The following CLYBL variants were observed in gnomAD, a reference collection of about 807,000 sequenced individuals.
CLYBL encodes citramalyl-CoA lyase, mitochondrial.
In CLYBL, 31 loss-of-function variants were observed where a neutral mutation model predicts 38.9. That is an observed-to-expected ratio of 0.80 (90% CI 0.60 to 1.08). The LOEUF is 1.08. Among genes scored for constraint, CLYBL ranks in the 50% least tolerant of loss-of-function variants. The pLI is 0.00. For missense variants in CLYBL, 434 were observed against 411.6 expected (o/e 1.05, Z -0.47); for synonymous variants, 171 against 158.6 (o/e 1.08, Z -0.59).
At chr13:99,851,929 G>T (rs2051342312) in intron 2 of CLYBL, among the ~76,000 whole-genome samples, 1 of 152,168 alleles carries the variant, frequency 6.6e-6, no homozygotes, top group Non-Finnish European at 1.5e-5. Flanking sequence ...TAGCCACAAA[G>T]TGGAAACCAG....
intron 7 of CLYBL, among the ~76,000 whole-genome samples, chr13:99,874,085 A>T (rs1426983660): frequency 6.6e-6 from 1 of 152,218 alleles, no homozygotes; most frequent in Admixed American, 6.5e-5. Context: ...ACCGTAGTCC[A>T]GTAATCAGAG....
At chr13:99,844,675 G>C (rs2051158669) in intron 2 of CLYBL, among the ~76,000 whole-genome samples, 1 of 152,206 alleles carries the variant, frequency 6.6e-6, no homozygotes, top group South Asian at 2.1e-4. Context: ...CTGTGTCTCA[G>C]CTTCGGGCCT....
chr13:99,668,400 C>T lies in CLYBL; in HGVS notation c.62+61643C>T, dbSNP rs190393335. 7.8e-4 allele frequency among the ~76,000 whole-genome samples: 118 copies of T among 152,214 alleles called. 2 individuals carry two copies. The highest frequency in any genetic ancestry group is 1.2e-3 in the Non-Finnish European group (85 of 68,002). On this transcript the variant is annotated intron_variant, in intron 1 of 8. Transcript: ENST00000339105. Reference sequence around the variant, plus strand: ...AGGAGTTCGAGACCAGCCTGACCAACATGGTGAAACCCCATCTCTATTAAA... The same window carrying T: ...AGGAGTTCGAGACCAGCCTGACCAATATGGTGAAACCCCATCTCTATTAAA...
rs181009568 is a variant in CLYBL at position 99,889,497 on chromosome 13, G to A, written c.928-1821G>A. On this transcript the variant is annotated intron_variant, in intron 7 of 8. Transcript: ENST00000339105. ...ACAGAGGTGACCAAAATTAGCTCGA[G>A]GCTGAATGAAATTATGGAAAGGACA... 2.0e-3 allele frequency among the ~76,000 whole-genome samples: 312 copies of A among 152,248 alleles called. 1 individual carries two copies. Among genetic ancestry groups the A allele is most frequent in the African/African-American group, 7.3e-3 (304 of 41,544 alleles).
At chr13:99,708,870 G>A (rs926341810) in intron 1 of CLYBL, among the ~76,000 whole-genome samples, 8 of 152,112 alleles carry the variant, frequency 5.3e-5, no homozygotes, top group Non-Finnish European at 8.8e-5. Context: ...TGAGGTGGGC[G>A]GATGATGAGG....
chr13:99,834,662 C>A (rs984001944), intron 2 of CLYBL, among the ~76,000 whole-genome samples: 42 of 152,148 alleles, frequency 2.8e-4, no homozygotes, highest in African/African-American at 9.7e-4. Flanking sequence ...GTGACTGATT[C>A]CCTGCTCCCC....
intron 1 of CLYBL, among the ~76,000 whole-genome samples, chr13:99,731,082 CAAAAAAAAAAAA>C (rs764705741): frequency 8.8e-5 from 5 of 57,016 alleles, no homozygotes; most frequent in African/African-American, 3.8e-4. Flanking sequence ...GACTCTGTTT[CAAAAAAAAAAAA>C]AAAAAAAAAA....
At chr13:99,620,804 GAGAA>G (rs1320485361) in intron 1 of CLYBL, among the ~76,000 whole-genome samples, 4 of 141,604 alleles carry the variant, frequency 2.8e-5, no homozygotes, top group Middle Eastern at 3.4e-3. Context: ...AAGAGAGAGA[GAGAA>G]AGAGAGAGAG....
intron 2 of CLYBL, among the ~76,000 whole-genome samples, chr13:99,819,974 C>T (rs879707004): frequency 1.3e-5 from 2 of 152,200 alleles, no homozygotes; most frequent in African/African-American, 2.4e-5. Context: ...TTAACCATCA[C>T]GGATTTATAC....
chr13:99,854,859 G>C (rs2051420931), intron 2 of CLYBL, among the ~76,000 whole-genome samples: 2 of 152,192 alleles, frequency 1.3e-5, no homozygotes, highest in African/African-American at 4.8e-5. Context: ...TCCTGGCCCA[G>C]ACAGAGTCAC....
intron 2 of CLYBL, among the ~76,000 whole-genome samples, chr13:99,786,126 C>G (rs971067208): frequency 3.3e-5 from 5 of 150,032 alleles, no homozygotes; most frequent in African/African-American, 1.2e-4. Flanking sequence ...GATTATCTTT[C>G]TATTTCTGCC....
At chr13:99,754,999 G>C (rs1434125501) in intron 1 of CLYBL, among the ~76,000 whole-genome samples, 11 of 151,460 alleles carry the variant, frequency 7.3e-5, no homozygotes, top group Non-Finnish European at 1.6e-4. Flanking sequence ...CCAGGTTGAC[G>C]CCATTCTCCT....
intron 1 of CLYBL, among the ~76,000 whole-genome samples, chr13:99,753,237 A>G (rs532094837): frequency 1.3e-5 from 2 of 152,260 alleles, no homozygotes; most frequent in South Asian, 4.1e-4. Flanking sequence ...GAGCCTGCCA[A>G]TCTGGGTGAG....
At chr13:99,730,972 A>G (rs2139570255) in intron 1 of CLYBL, among the ~76,000 whole-genome samples, 1 of 151,616 alleles carries the variant, frequency 6.6e-6, no homozygotes, top group Middle Eastern at 3.4e-3. Flanking sequence ...AGTCCCAGCA[A>G]CTCAGGAGGC....
In CLYBL at chr13:99,657,393, T is replaced by C. The variant is rs189955096; in HGVS notation, c.62+50636T>C. 2.6e-5 allele frequency among the ~76,000 whole-genome samples: 4 copies of C among 152,358 alleles called. No individual in the cohort carries two copies. In the East Asian group the frequency reaches 7.7e-4, roughly 29 times the overall value. ...CTAGTGGAAAATACAATGGTTTTGC[T>C]GTGTCAGGCTCACCGCTAATGCTTG... On this transcript the variant is annotated intron_variant, in intron 1 of 8. Coordinates refer to ENST00000339105, the MANE Select transcript of CLYBL (RefSeq NM_206808.5).
intron 2 of CLYBL, among the ~76,000 whole-genome samples, chr13:99,792,239 C>T (rs991387867): frequency 2.0e-5 from 3 of 152,156 alleles, no homozygotes; most frequent in Non-Finnish European, 4.4e-5. Flanking sequence ...GAGGACAGTT[C>T]AGAGCAAGTG....
At chr13:99,623,204 A>G (rs1474508887) in intron 1 of CLYBL, among the ~76,000 whole-genome samples, 3 of 152,158 alleles carry the variant, frequency 2.0e-5, no homozygotes, top group African/African-American at 7.2e-5. Flanking sequence ...TGGCTGCACC[A>G]TTTTACATTC....
chr13:99,866,346 CT>C lies in CLYBL; in HGVS notation c.744del (p.Arg249GlufsTer23). The C allele has an allele frequency of 6.2e-7, 1 of 1,614,184 alleles. No individual in the cohort carries two copies. The highest frequency in any genetic ancestry group is 8.5e-7 in the Non-Finnish European group (1 of 1,180,034). ...AAGCCATAGATCTGGTGTACATTGA[CT>C]TTCGAGATGGAGCTGGGCTGCTTAG... Reference protein sequence around the residue: ...LQAIDLVYIDFRDGAGLLRQS... With the variant: ...LQAIDLVYIDXRDGAGLLRQS... On this transcript the variant is annotated frameshift_variant, in exon 6 of 9. Transcript: ENST00000339105. LOFTEE classifies it high-confidence loss of function.
At chr13:99,699,016 A>C (rs2048020974) in intron 1 of CLYBL, among the ~76,000 whole-genome samples, 1 of 152,198 alleles carries the variant, frequency 6.6e-6, no homozygotes. Context: ...TCTATGAAAG[A>C]GTCATTTTTC....
Sources: gnomAD v4.1 joint callset for allele counts (sites outside exome capture counted in the v4.1 genomes callset) on GRCh38, gnomAD v4.1.1 for gene constraint, MANE v1.5 for transcripts, NCBI Gene and HGNC (gene_info 2026-07-23, HGNC 2026-07-21) for gene names.